Variants in OSBPL11 observed in about 807,000 individuals in gnomAD.
The protein encoded by OSBPL11 is oxysterol binding protein like 11.
In OSBPL11, 33 loss-of-function variants were observed where a neutral mutation model predicts 84.4. That is an observed-to-expected ratio of 0.39 (90% CI 0.30 to 0.52). OSBPL11 has a LOEUF of 0.52. Among genes scored for constraint, OSBPL11 ranks in the 20% least tolerant of loss-of-function variants. OSBPL11 has a pLI of 0.72. For missense variants in OSBPL11, 736 were observed against 901.1 expected, an observed-to-expected ratio of 0.82 and a Z score of 2.35; for synonymous variants, 276 against 310.2, an observed-to-expected ratio of 0.89 and a Z score of 1.16.
intron 5 of OSBPL11, among the ~76,000 whole-genome samples, chr3:125,575,701 A>T (rs1936311704): frequency 2.1e-5 from 3 of 140,520 alleles, no homozygotes; most frequent in African/African-American, 5.3e-5. Flanking sequence ...AGCTAAAATT[A>T]AAAAAAAAAA....
chr3:125,573,139 A>C (rs1341939912), intron 5 of OSBPL11, among the ~76,000 whole-genome samples: 1 of 151,872 alleles, frequency 6.6e-6, no homozygotes, highest in Non-Finnish European at 1.5e-5. Flanking sequence ...ATATATTCAA[A>C]GAAATGGAAA....
rs752911170 is a variant in OSBPL11 at position 125,582,964 on chromosome 3, T to C, written c.179A>G (p.Asn60Ser). 1 of 1,585,708 alleles carries C rather than the reference T, an allele frequency of 6.3e-7. No individual in the cohort carries two copies. The highest frequency in any genetic ancestry group is 2.0e-5 in the Admixed American group (1 of 50,724). ...ATACTTCATTAAATAGCCATACACATTTTCCATGTGATCACTATTTCAAAA... is the reference window on the plus strand; with the variant it reads ...ATACTTCATTAAATAGCCATACACACTTTCCATGTGATCACTATTTCAAAA... Reference protein sequence around the residue: ...KGWQYSDHMENVYGYLMKYTN... With the variant: ...KGWQYSDHMESVYGYLMKYTN... Residue 60 changes from asparagine to serine, a missense_variant, in exon 2 of 13, where the codon AAT becomes AGT. Transcript: ENST00000296220.
Position 125,582,936 on chromosome 3 carries a change from G to A in OSBPL11, c.207C>T (p.Thr69=). The A allele has an allele frequency of 4.4e-6, 7 of 1,597,018 alleles. No homozygotes were observed. Among genetic ancestry groups the A allele is most frequent in the Non-Finnish European group, 6.0e-6 (7 of 1,175,194 alleles). Residue 69 remains threonine, a synonymous_variant, in exon 2 of 13, where the codon ACC becomes ACT. Coordinates refer to ENST00000296220, the MANE Select transcript of OSBPL11 (RefSeq NM_022776.5). ...ENVYGYLMKY[T]NLVTGWQYRF... Reference sequence around the variant, plus strand: ...TGTACTGCCACCCAGTGACAAGGTTGGTATACTTCATTAAATAGCCATACA... The same window carrying A: ...TGTACTGCCACCCAGTGACAAGGTTAGTATACTTCATTAAATAGCCATACA...
At chr3:125,594,609 G>A (rs775577011) in intron 1 of OSBPL11, 28 bp downstream of exon 1, 12 of 1,603,984 alleles carry the variant, frequency 7.5e-6, no homozygotes, top group Non-Finnish European at 1.0e-5. Flanking sequence ...CTCCACCTCG[G>A]GAAATAATTT....
chr3:125,549,859 T>G (rs563927638), intron 9 of OSBPL11, among the ~76,000 whole-genome samples: 20 of 152,136 alleles, frequency 1.3e-4, no homozygotes, highest in Non-Finnish European at 2.8e-4. Context: ...TACTGTTACA[T>G]GAACTGATAA....
At position 125,529,457 on chromosome 3, in the gene OSBPL11, A is replaced by AT. The variant is rs1050133527; in HGVS notation, c.*1057_*1058insA. ...AGCATTTAAATTTCCTCAAAAAAAAAAAAAATAAATAAAACCATACCTTAC... is the reference window on the plus strand; with the variant it reads ...AGCATTTAAATTTCCTCAAAAAAAAATAAAAATAAATAAAACCATACCTTAC... On this transcript the variant is annotated 3_prime_UTR_variant, in exon 13 of 13. Transcript: ENST00000296220. 3.0e-5 allele frequency: 4 copies of AT among 132,800 alleles called. No individual in the cohort carries two copies. Among genetic ancestry groups the AT allele is most frequent in the Admixed American group, 1.4e-4 (2 of 14,088 alleles). The allele number at this position is 132,800 out of a possible 1,614,324, so 8.2% of individuals were successfully genotyped here.
At chr3:125,536,004 G>A (rs1935635507) in intron 11 of OSBPL11, among the ~76,000 whole-genome samples, 1 of 151,636 alleles carries the variant, frequency 6.6e-6, no homozygotes, top group African/African-American at 2.4e-5. Flanking sequence ...GTGTGGTGGT[G>A]TGCACCTGTA....
intron 10 of OSBPL11, among the ~76,000 whole-genome samples, chr3:125,546,821 C>T (rs1935824873): frequency 6.6e-6 from 1 of 151,740 alleles, no homozygotes; most frequent in African/African-American, 2.4e-5. Flanking sequence ...ACCCAGGAGG[C>T]GGCTGCAAGG....
At chr3:125,550,180 C>T (rs566216755) in intron 9 of OSBPL11, among the ~76,000 whole-genome samples, 4 of 151,776 alleles carry the variant, frequency 2.6e-5, no homozygotes, top group Non-Finnish European at 5.9e-5. Flanking sequence ...TTGAGACCAG[C>T]TTGGGCAACA....
intron 5 of OSBPL11, among the ~76,000 whole-genome samples, chr3:125,568,423 TACGTCTCAAAAAAAAAA>T (rs1936194084): frequency 1.4e-5 from 2 of 144,404 alleles, no homozygotes; most frequent in Admixed American, 1.4e-4. Context: ...AGAGTGAGAC[TACGTCTCAAAAAAAAAA>T]AAAAAAGGGA....
intron 9 of OSBPL11, among the ~76,000 whole-genome samples, chr3:125,549,533 G>A (rs1288977987): frequency 6.6e-6 from 1 of 152,140 alleles, no homozygotes; most frequent in Non-Finnish European, 1.5e-5. Context: ...GCAGGCTGGA[G>A]TACAGTGGCA....
At chr3:125,559,544 G>C (rs1355464415) in intron 8 of OSBPL11, among the ~76,000 whole-genome samples, 1 of 152,052 alleles carries the variant, frequency 6.6e-6, no homozygotes, top group Admixed American at 6.6e-5. Flanking sequence ...ACCATGCCCG[G>C]CTAATTTTTG....
chr3:125,563,823 C>G lies in OSBPL11; in HGVS notation c.889G>C (p.Glu297Gln), dbSNP rs2107601136. 1 of 1,614,032 alleles carries G rather than the reference C, an allele frequency of 6.2e-7. No homozygotes were observed. The highest frequency in any genetic ancestry group is 2.2e-5 in the East Asian group (1 of 44,880). The part of the protein sequence containing the change: ...LPSGTTIEWL[E>Q]PKISLSNHYK... ...TGGTTTGATAAAGATATCTTTGGTT[C>G]TAACCACTCGATTGTCGTTCCTGAT... Residue 297 changes from glutamate (E) to glutamine (Q), a missense_variant, in exon 7 of 13, where the codon GAA becomes CAA. Transcript: ENST00000296220.
chr3:125,571,007 A>C (rs944812332), intron 5 of OSBPL11, among the ~76,000 whole-genome samples: 3 of 152,208 alleles, frequency 2.0e-5, no homozygotes, highest in African/African-American at 7.2e-5. Context: ...AAAATGTGGG[A>C]AAGTTTGGAA....
intron 2 of OSBPL11, among the ~76,000 whole-genome samples, chr3:125,580,895 TCTC>T (rs1469035056): frequency 2.6e-5 from 4 of 152,072 alleles, no homozygotes; most frequent in Non-Finnish European, 4.4e-5. Context: ...AAAGATTACT[TCTC>T]CTGTTTAAAA....
chr3:125,581,627 C>A (rs1936426455), intron 2 of OSBPL11, among the ~76,000 whole-genome samples: 1 of 140,850 alleles, frequency 7.1e-6, no homozygotes, highest in Admixed American at 7.7e-5. Context: ...ACCCTGGAGG[C>A]AGAGGTTGCG....
intron 1 of OSBPL11, among the ~76,000 whole-genome samples, chr3:125,586,854 T>G (rs988544161): frequency 6.6e-6 from 1 of 152,204 alleles, no homozygotes; most frequent in African/African-American, 2.4e-5. Flanking sequence ...AGACTTAAGA[T>G]AGATAAAAGT....
chr3:125,549,176 T>C (rs1439998128), intron 9 of OSBPL11, among the ~76,000 whole-genome samples: 2 of 152,092 alleles, frequency 1.3e-5, no homozygotes, highest in East Asian at 1.9e-4. Flanking sequence ...TGCCTGCTAC[T>C]ATGCCTGGCT....
chr3:125,590,509 T>C (rs1297656402), intron 1 of OSBPL11, among the ~76,000 whole-genome samples: 3 of 152,044 alleles, frequency 2.0e-5, no homozygotes, highest in Non-Finnish European at 4.4e-5. Flanking sequence ...TGAGCTAAGA[T>C]CTGCCACCGC....
Sources: allele counts gnomAD v4.1 joint callset (sites outside exome capture counted in the v4.1 genomes callset), GRCh38; gene constraint gnomAD v4.1.1; transcripts MANE v1.5; gene names NCBI Gene and HGNC (gene_info 2026-07-23, HGNC 2026-07-21).